The following LAMC3 variants were observed in gnomAD, a reference collection of about 807,000 sequenced individuals.
LAMC3 encodes the protein laminin subunit gamma-3.
Under a neutral mutation model 173.8 loss-of-function variants are expected in LAMC3, and 128 were observed. That is an observed-to-expected ratio of 0.74 (90% CI 0.64 to 0.85). The LOEUF (loss-of-function observed/expected upper bound fraction) is 0.85. LAMC3 is among the 40% of genes least tolerant of loss of function. The pLI, the probability that LAMC3 is intolerant of heterozygous loss-of-function variation, is 0.00. For missense variants in LAMC3, 2,022 were observed against 2,156.0 expected (o/e 0.94, Z 1.23); for synonymous variants, 897 against 909.1 (o/e 0.99, Z 0.24).
At chr9:131,021,944 C>A (rs1833633305) in intron 1 of LAMC3, among the ~76,000 whole-genome samples, 1 of 152,188 alleles carries the variant, frequency 6.6e-6, no homozygotes, top group South Asian at 2.1e-4. Flanking sequence ...CCTCCAGGAA[C>A]CTCCCCGTGT....
intron 1 of LAMC3, among the ~76,000 whole-genome samples, chr9:131,013,390 C>A (rs1435849547): frequency 2.6e-5 from 4 of 152,128 alleles, no homozygotes; most frequent in Non-Finnish European, 5.9e-5. Context: ...CACAAAAAGA[C>A]CTGAGTCCCC....
chr9:131,088,308 G>A (rs746361777), intron 27 of LAMC3, among the ~76,000 whole-genome samples: 4 of 152,166 alleles, frequency 2.6e-5, no homozygotes, highest in Non-Finnish European at 5.9e-5. Flanking sequence ...CTGAGCCTCA[G>A]ATCCCCCATC....
At chr9:131,078,710 T>G (rs971419041) in intron 22 of LAMC3, among the ~76,000 whole-genome samples, 2 of 152,304 alleles carry the variant, frequency 1.3e-5, no homozygotes, top group Admixed American at 1.3e-4. Flanking sequence ...CCTATAAGTC[T>G]GGGAAATTCT....
rs542996235 is a variant in LAMC3 at position 131,064,532 on chromosome 9, G to A, written c.2348-2428G>A. Among the ~76,000 whole-genome samples the A allele has an allele frequency of 1.6e-4, 25 of 151,762 alleles. No individual in the cohort carries two copies. The South Asian group carries it at 5.0e-3, about 30-fold the overall frequency. ...CAAAAAATTAGCCGGGCGAGGTGGC[G>A]GGCGCCTGTAGTCCCAGCTACGCGG... On this transcript the variant is annotated intron_variant, in intron 13 of 27. Transcript: ENST00000361069.
Position 131,057,150 on chromosome 9 carries a change from G to A in LAMC3, c.2158+3G>A. 6.2e-7 allele frequency: 1 copy of A among 1,613,192 alleles called. No individual in the cohort carries two copies. The highest frequency in any genetic ancestry group is 1.1e-5 in the South Asian group (1 of 91,062). On this transcript the variant is annotated splice_donor_region_variant and intron_variant, in intron 12 of 27. Transcript: ENST00000361069. Reference sequence around the variant, plus strand: ...TGGCACCTGTGACCCCAACACAGGTGAGTCTCCTGGCACCCCATCCGAAGG... The same window carrying A: ...TGGCACCTGTGACCCCAACACAGGTAAGTCTCCTGGCACCCCATCCGAAGG...
chr9:131,032,085 G>A lies in LAMC3; in HGVS notation c.719G>A (p.Arg240Gln), dbSNP rs780094604. ...ACCGAACTCCTCATCTCTCTAGACC[G>A]GCTCAACACGTTTGGGGACGACATC... is the stretch of plus-strand genomic sequence containing the variant. Reference protein sequence around the residue: ...TSTELLISLDRLNTFGDDIFK... With the variant: ...TSTELLISLDQLNTFGDDIFK... The change falls in exon 3 of 28, where the codon CGG (arginine) becomes CAG (glutamine). Residue 240 changes from arginine to glutamine, a missense_variant. Transcript: ENST00000361069. 28 of 1,613,920 alleles carry A rather than the reference G, an allele frequency of 1.7e-5. 1 individual carries two copies. The Middle Eastern group carries it at 2.8e-3, about 161-fold the overall frequency.
chr9:131,089,311 A>C (rs1486265058), intron 27 of LAMC3, among the ~76,000 whole-genome samples: 1 of 151,944 alleles, frequency 6.6e-6, no homozygotes, highest in Non-Finnish European at 1.5e-5. Flanking sequence ...GTACCCTATA[A>C]CTTAAAAAAA....
chr9:131,066,543 G>C (rs1002687045), intron 13 of LAMC3, among the ~76,000 whole-genome samples: 7 of 152,030 alleles, frequency 4.6e-5, no homozygotes, highest in African/African-American at 1.5e-4. Flanking sequence ...AGAAGGTCAT[G>C]GTGATTGAGG....
In LAMC3 at chr9:131,075,941, A is replaced by T; in HGVS notation, c.3605A>T (p.Glu1202Val). The T allele has an allele frequency of 1.2e-6, 2 of 1,609,890 alleles. No individual in the cohort carries two copies. Among genetic ancestry groups the T allele is most frequent in the Non-Finnish European group, 1.7e-6 (2 of 1,177,388 alleles). The change falls in exon 21 of 28, where the codon GAG becomes GTG. Residue 1202 changes from glutamate (E) to valine (V), a missense_variant. By Grantham distance (121) the Glu-to-Val change is moderately radical. Coordinates refer to ENST00000361069, the MANE Select transcript of LAMC3 (RefSeq NM_006059.4). The stretch of plus-strand genomic sequence containing the variant: ...CTGCTGGAGGGAAGGGTGGCCCTAG[A>T]GACCCAGCGGGACCTGGAGGACAGG... Reference protein sequence around the residue: ...WNLLEGRVALETQRDLEDRYQ... With the variant: ...WNLLEGRVALVTQRDLEDRYQ...
At chr9:131,038,567 C>T (rs563630999) in intron 4 of LAMC3, among the ~76,000 whole-genome samples, 41 of 152,304 alleles carry the variant, frequency 2.7e-4, no homozygotes, top group East Asian at 1.9e-4. Context: ...AGCCTCTGAT[C>T]GGTGCCCATC....
At chr9:131,081,516 G>C (rs1830241844) in intron 23 of LAMC3, among the ~76,000 whole-genome samples, 1 of 132,052 alleles carries the variant, frequency 7.6e-6, no homozygotes, top group Non-Finnish European at 1.6e-5. Flanking sequence ...TGCCACCCAG[G>C]CTGGAGTGCA....
chr9:131,039,890 G>A (rs1305426909), intron 6 of LAMC3, among the ~76,000 whole-genome samples: 2 of 151,964 alleles, frequency 1.3e-5, no homozygotes, highest in Non-Finnish European at 2.9e-5. Flanking sequence ...TGAGGGGAGA[G>A]AGGGACAGGG....
At chr9:131,019,454 A>G (rs149093151) in intron 1 of LAMC3, among the ~76,000 whole-genome samples, 72 of 152,308 alleles carry the variant, frequency 4.7e-4, no homozygotes, top group African/African-American at 1.7e-3. Context: ...TTTATAATCC[A>G]GTGAGAGAGT....
rs769672659 is a variant in LAMC3, at chr9:131,082,139, G to T, written c.4008G>T (p.Arg1336Ser). 1.9e-6 allele frequency: 3 copies of T among 1,613,452 alleles called. No individual in the cohort carries two copies. The South Asian group carries it at 3.3e-5, about 18-fold the overall frequency. The change falls in exon 24 of 28, where the codon AGG (arginine) becomes AGT (serine). Residue 1336 changes from arginine (R) to serine (S), a missense_variant. Physicochemically the swap from Arg to Ser is moderately radical, Grantham distance 110. Transcript: ENST00000361069. ...QAATVTVMGA[R>S]TLLADLEGMK... ...CGACAGTGACTGTCATGGGAGCCAG[G>T]ACTCTGCTGGCTGATCTGGAAGGTA...
chr9:131,054,525 G>C (rs1440408626), intron 11 of LAMC3, among the ~76,000 whole-genome samples: 1 of 152,152 alleles, frequency 6.6e-6, no homozygotes, highest in Non-Finnish European at 1.5e-5. Context: ...AGGCTGAGGC[G>C]GGCGGATCAC....
Position 131,026,202 on chromosome 9 carries a change from A to T in LAMC3, c.374-83A>T. ...GCGATCCATCCACGCTAGTGCCTGC[A>T]ATGCAGCCGTCTGTCCTTCCTAGAC... On this transcript the variant is annotated intron_variant, in intron 1 of 27. Transcript: ENST00000361069. The surrounding 1 kb of genome is among the most constrained non-coding windows in gnomAD (Gnocchi z 4.8). 6.3e-7 allele frequency: 1 copy of T among 1,586,198 alleles called. No homozygotes were observed.
At chr9:131,024,070 T>G (rs1833677248) in intron 1 of LAMC3, among the ~76,000 whole-genome samples, 1 of 152,176 alleles carries the variant, frequency 6.6e-6, no homozygotes, top group African/African-American at 2.4e-5. Context: ...GCTTTTCGTG[T>G]CATTTCTAAG....
intron 14 of LAMC3, among the ~76,000 whole-genome samples, chr9:131,067,844 G>A (rs1829966132): frequency 6.6e-6 from 1 of 152,184 alleles, no homozygotes; most frequent in African/African-American, 2.4e-5. Flanking sequence ...GGCAGGCTCA[G>A]AAGGATTGTC....
intron 11 of LAMC3, among the ~76,000 whole-genome samples, chr9:131,054,951 C>T (rs1452261644): frequency 6.6e-6 from 1 of 151,718 alleles, no homozygotes; most frequent in South Asian, 2.1e-4. Context: ...TGTCATTACG[C>T]GTAGAAAGCC....
Sources: gnomAD v4.1 joint callset for allele counts (sites outside exome capture counted in the v4.1 genomes callset) on GRCh38, gnomAD v4.1.1 for gene constraint, Gnocchi (gnomAD v3.1) non-coding constraint, MANE v1.5 for transcripts, NCBI Gene and HGNC (gene_info 2026-07-23, HGNC 2026-07-21) for gene names.